The following SH3RF3 variants were observed in gnomAD, a reference collection of about 807,000 sequenced individuals.
The protein encoded by SH3RF3 is E3 ubiquitin-protein ligase SH3RF3.
Under a neutral mutation model 66.3 loss-of-function variants are expected in SH3RF3, and 29 were observed. The ratio of observed to expected loss-of-function variants is 0.44; its 90% CI spans 0.33 to 0.60. The LOEUF (loss-of-function observed/expected upper bound fraction) is 0.60. Among genes scored for constraint, SH3RF3 ranks in the 20% least tolerant of loss-of-function variants. The pLI is 0.04. For synonymous variants in SH3RF3, 583 were observed against 532.0 expected, an observed-to-expected ratio of 1.10 and a Z score of -1.32; for missense variants, 1,194 against 1,190.9, an observed-to-expected ratio of 1.00 and a Z score of -0.04.
Position 109,170,552 on chromosome 2 carries a change from G to T in SH3RF3, c.573+40439G>T, listed in dbSNP as rs201440199. Among the ~76,000 whole-genome samples, 7 of 152,038 alleles carry T rather than the reference G, an allele frequency of 4.6e-5. No individual in the cohort carries two copies. The East Asian group carries it at 7.7e-4, about 17-fold the overall frequency. On this transcript the variant is annotated intron_variant, in intron 1 of 9. Transcript: ENST00000309415. ...GTAGAGATGGGGTTTCACTATGTTGGCCAGGATGGTCTCGATCTCCTGACC... is the reference window on the plus strand; with the variant it reads ...GTAGAGATGGGGTTTCACTATGTTGTCCAGGATGGTCTCGATCTCCTGACC...
intron 1 of SH3RF3, among the ~76,000 whole-genome samples, chr2:109,235,866 C>T (rs1022291790): frequency 2.0e-5 from 3 of 152,232 alleles, no homozygotes; most frequent in Non-Finnish European, 4.4e-5. Flanking sequence ...CCTCTTAACC[C>T]TGCCAAGCCA....
At chr2:109,240,083 G>T (rs983466209) in intron 1 of SH3RF3, among the ~76,000 whole-genome samples, 20 of 152,184 alleles carry the variant, frequency 1.3e-4, no homozygotes, top group Non-Finnish European at 2.9e-4. Flanking sequence ...GTGAGTGAAG[G>T]CTGTTGTATT....
chr2:109,170,281 TCTCTTCTCTTCTCTTCTC>T (rs1160904714), intron 1 of SH3RF3, among the ~76,000 whole-genome samples: 1 of 107,800 alleles, frequency 9.3e-6, no homozygotes, highest in African/African-American at 3.0e-5. Context: ...TCTCTTCTCT[TCTCTTCTCTTCTCTTCTC>T]TTCTCTTCTC....
At chr2:109,364,795 A>G (rs991145464) in intron 2 of SH3RF3, among the ~76,000 whole-genome samples, 1 of 152,176 alleles carries the variant, frequency 6.6e-6, no homozygotes, top group Non-Finnish European at 1.5e-5. Context: ...AGGCTCTCAT[A>G]AAACCCCAAT....
At chr2:109,385,673 C>G (rs7605467) in intron 3 of SH3RF3, among the ~76,000 whole-genome samples, 73,430 of 152,060 alleles carry the variant, frequency 0.48, 17,836 homozygotes, top group Middle Eastern at 0.55. Context: ...GCAGGGAGCA[C>G]CCCACACAAG....
At chr2:109,174,235 C>T (rs1677866780) in intron 1 of SH3RF3, among the ~76,000 whole-genome samples, 2 of 152,222 alleles carry the variant, frequency 1.3e-5, no homozygotes, top group Admixed American at 1.3e-4. Flanking sequence ...AGGTGGACAT[C>T]ACAGTTTTAT....
At chr2:109,485,253 C>G (rs574102449) in intron 8 of SH3RF3, among the ~76,000 whole-genome samples, 131 of 152,328 alleles carry the variant, frequency 8.6e-4, no homozygotes, top group African/African-American at 3.1e-3. Flanking sequence ...GGACAGCCAC[C>G]TGTCTCCACA....
chr2:109,408,151 G>A (rs1208567219), intron 4 of SH3RF3, among the ~76,000 whole-genome samples: 1 of 152,166 alleles, frequency 6.6e-6, no homozygotes, highest in African/African-American at 2.4e-5. Flanking sequence ...ATCCTGCAGG[G>A]ATCCACAGAG....
chr2:109,274,391 A>G (rs1455505836), intron 1 of SH3RF3, among the ~76,000 whole-genome samples: 6 of 152,258 alleles, frequency 3.9e-5, no homozygotes, highest in African/African-American at 9.6e-5. Context: ...CCAAGTGTCT[A>G]TCAGTGGATG....
At chr2:109,219,922 A>C (rs1195076900) in intron 1 of SH3RF3, among the ~76,000 whole-genome samples, 1 of 152,232 alleles carries the variant, frequency 6.6e-6, no homozygotes, top group Non-Finnish European at 1.5e-5. Context: ...ATAGTAAAAA[A>C]GCACTCTAAA....
intron 1 of SH3RF3, among the ~76,000 whole-genome samples, chr2:109,304,011 G>A (rs942868969): frequency 3.3e-5 from 5 of 151,918 alleles, no homozygotes; most frequent in African/African-American, 1.2e-4. Context: ...TGAGGCAGGA[G>A]AATTGCTTGA....
intron 8 of SH3RF3, among the ~76,000 whole-genome samples, chr2:109,478,639 G>A (rs780217320): frequency 1.3e-5 from 2 of 152,150 alleles, no homozygotes; most frequent in Admixed American, 6.5e-5. Flanking sequence ...GTTGGAATGC[G>A]CTTTCATTTT....
chr2:109,448,415 G>A (rs1352588470), intron 7 of SH3RF3, among the ~76,000 whole-genome samples: 1 of 152,196 alleles, frequency 6.6e-6, no homozygotes, highest in Non-Finnish European at 1.5e-5. Flanking sequence ...AGTGGTGGGT[G>A]AGCAAGGAAA....
chr2:109,228,379 C>T (rs188879577), intron 1 of SH3RF3, among the ~76,000 whole-genome samples: 17 of 152,270 alleles, frequency 1.1e-4, no homozygotes, highest in African/African-American at 3.9e-4. Context: ...CCACATGTCA[C>T]CCTGTAGAGG....
intron 1 of SH3RF3, among the ~76,000 whole-genome samples, chr2:109,191,761 A>G (rs113979480): frequency 3.3e-5 from 5 of 152,352 alleles, no homozygotes; most frequent in African/African-American, 1.2e-4. Context: ...CAGCAGTCAC[A>G]GGGATCACAG....
intron 1 of SH3RF3, among the ~76,000 whole-genome samples, chr2:109,191,306 A>G (rs1468307915): frequency 6.6e-6 from 1 of 152,216 alleles, no homozygotes; most frequent in Non-Finnish European, 1.5e-5. Context: ...TAAGTGTGCA[A>G]TGCCCTGGAG....
chr2:109,251,745 C>G, intron 1 of SH3RF3: 2 of 624,186 alleles, frequency 3.2e-6, no homozygotes, highest in Non-Finnish European at 5.7e-6. Flanking sequence ...TCATATTAGA[C>G]TTTTTGTTAA....
At position 109,398,735 on chromosome 2, in the gene SH3RF3, G is replaced by T. The variant is rs771293090; in HGVS notation, c.1091G>T (p.Ser364Ile). The change falls in exon 4 of 10, where the codon AGT (serine) becomes ATT (isoleucine). Residue 364 changes from serine (S) to isoleucine (I), a missense_variant. Coordinates refer to ENST00000309415, the MANE Select transcript of SH3RF3 (RefSeq NM_001099289.3). ...ACTTTAAGCAGCTCAGGGGCGGTCA[G>T]TGCCTTTCAGCGGCGTGTGGATGGC... ...SPTLSSSGAV[S>I]AFQRRVDGKK... The T allele has an allele frequency of 6.2e-7, 1 of 1,613,438 alleles. No homozygotes were observed. Among genetic ancestry groups the T allele is most frequent in the Non-Finnish European group, 8.5e-7 (1 of 1,179,702 alleles).
rs556932587 is a variant in SH3RF3, at chr2:109,316,824, C to T, written c.574-30850C>T. 2.6e-5 allele frequency among the ~76,000 whole-genome samples: 4 copies of T among 152,348 alleles called. No homozygotes were observed. The South Asian group carries it at 8.3e-4, about 32-fold the overall frequency. On this transcript the variant is annotated intron_variant, in intron 1 of 9. Transcript: ENST00000309415. Reference sequence around the variant, plus strand: ...CTGGTTATCCCTCCCTGGCCTCACCCTCTGGCTGCCGTGGGTCTTTGTACT... The same window carrying T: ...CTGGTTATCCCTCCCTGGCCTCACCTTCTGGCTGCCGTGGGTCTTTGTACT...
Sources: gnomAD v4.1 joint callset for allele counts (sites outside exome capture counted in the v4.1 genomes callset) on GRCh38, gnomAD v4.1.1 for gene constraint, MANE v1.5 for transcripts, NCBI Gene and HGNC (gene_info 2026-07-23, HGNC 2026-07-21) for gene names.